The following EPHB2 variants were observed in gnomAD, a reference collection of about 807,000 sequenced individuals.
The protein encoded by EPHB2 is ephrin type-B receptor 2.
In EPHB2, 18 loss-of-function variants were observed where a neutral mutation model predicts 96.4. The ratio of observed to expected loss-of-function variants is 0.19; its 90% CI spans 0.13 to 0.28. The LOEUF (loss-of-function observed/expected upper bound fraction) is 0.28, where lower values mean the gene tolerates loss of function less well. Ranked by LOEUF, EPHB2 falls within the 10% of genes least tolerant of loss-of-function variation. The pLI, the probability that EPHB2 is intolerant of heterozygous loss-of-function variation, is 1.00. For synonymous variants in EPHB2, 506 were observed against 534.1 expected, an observed-to-expected ratio of 0.95 and a Z score of 0.72; for missense variants, 989 against 1,355.4, an observed-to-expected ratio of 0.73 and a Z score of 4.25.
intron 4 of EPHB2, 82 bp from the exon 5 acceptor site, chr1:22,864,795 C>A: frequency 1.1e-6 from 1 of 886,892 alleles, no homozygotes; most frequent in Non-Finnish European, 1.8e-6. Context: ...GGGGCTGAGC[C>A]AGAGCAGCGG....
intron 3 of EPHB2, among the ~76,000 whole-genome samples, chr1:22,786,103 G>A (rs1029472001): frequency 2.0e-5 from 3 of 152,238 alleles, no homozygotes; most frequent in African/African-American, 7.2e-5. Flanking sequence ...ACACCCTGGT[G>A]CTAAGAAGGC....
chr1:22,892,690 C>A, intron 6 of EPHB2, 194 bp from the exon 7 acceptor site: 1 of 769,052 alleles, frequency 1.3e-6, no homozygotes. Context: ...TATACTCTGC[C>A]TACCTTTGTG....
intron 1 of EPHB2, among the ~76,000 whole-genome samples, chr1:22,757,908 C>CTTTTTTTTT (rs1224799943): frequency 7.4e-5 from 4 of 54,154 alleles, no homozygotes; most frequent in African/African-American, 2.9e-4. Flanking sequence ...GTAAGCTATG[C>CTTTTTTTTT]TTTTTTTTTT....
intron 1 of EPHB2, among the ~76,000 whole-genome samples, chr1:22,714,652 G>A (rs1226293050): frequency 6.6e-6 from 1 of 152,152 alleles, no homozygotes; most frequent in Non-Finnish European, 1.5e-5. Flanking sequence ...AGCTATCAAG[G>A]GACCTGGCCA....
chr1:22,833,857 G>C (rs1645342531), intron 3 of EPHB2, among the ~76,000 whole-genome samples: 1 of 152,132 alleles, frequency 6.6e-6, no homozygotes, highest in Non-Finnish European at 1.5e-5. Flanking sequence ...AAGCCTAAGA[G>C]ATAATGAGGC....
intron 1 of EPHB2, among the ~76,000 whole-genome samples, chr1:22,738,418 C>T (rs1254842153): frequency 2.0e-5 from 3 of 152,202 alleles, no homozygotes; most frequent in African/African-American, 7.2e-5. Context: ...CTATGCCAAG[C>T]TCTGCTGGTA....
At chr1:22,723,490 C>A (rs1374659589) in intron 1 of EPHB2, among the ~76,000 whole-genome samples, 2 of 152,226 alleles carry the variant, frequency 1.3e-5, no homozygotes, top group Admixed American at 1.3e-4. Context: ...ACTGGGTGCC[C>A]CTGGCTGGCC....
At chr1:22,907,930 T>G in intron 11 of EPHB2, 23 bp from the exon 12 acceptor site, 1 of 1,613,582 alleles carries the variant, frequency 6.2e-7, no homozygotes, top group Non-Finnish European at 8.5e-7. Context: ...GTTTACTCTG[T>G]GTTTTCCCCA....
At chr1:22,812,537 G>C (rs2119318) in intron 3 of EPHB2, among the ~76,000 whole-genome samples, 5,522 of 152,266 alleles carry the variant, frequency 0.036, 314 homozygotes, top group African/African-American at 0.12. Flanking sequence ...GGGGGCGGGG[G>C]CTGTGGAGAG....
chr1:22,869,766 C>T (rs1409815411), intron 5 of EPHB2, among the ~76,000 whole-genome samples: 1 of 152,230 alleles, frequency 6.6e-6, no homozygotes, highest in Non-Finnish European at 1.5e-5. Context: ...ATTTCACTGA[C>T]CTTCCTGACT....
chr1:22,730,666 A>G (rs1643688430), intron 1 of EPHB2, among the ~76,000 whole-genome samples: 1 of 151,908 alleles, frequency 6.6e-6, no homozygotes, highest in Admixed American at 6.6e-5. Context: ...TCAGGCAGTG[A>G]GGAGAGCTGG....
At chr1:22,716,258 G>A (rs1223350283) in intron 1 of EPHB2, among the ~76,000 whole-genome samples, 1 of 152,170 alleles carries the variant, frequency 6.6e-6, no homozygotes, top group African/African-American at 2.4e-5. Context: ...AACATTGGAT[G>A]GGCCCCCTCC....
chr1:22,891,153 A>C, intron 6 of EPHB2: 2 of 456,056 alleles, frequency 4.4e-6, no homozygotes, highest in Non-Finnish European at 8.8e-6. Context: ...AAGTTAAGGA[A>C]CTTGCCCAAG....
At chr1:22,725,804 C>T (rs1355433463) in intron 1 of EPHB2, among the ~76,000 whole-genome samples, 1 of 152,172 alleles carries the variant, frequency 6.6e-6, no homozygotes, top group Non-Finnish European at 1.5e-5. Context: ...TGTCAGCTGC[C>T]CCGAGCTTCT....
At chr1:22,896,879 T>C (rs185658608) in intron 9 of EPHB2, among the ~76,000 whole-genome samples, 52 of 152,330 alleles carry the variant, frequency 3.4e-4, no homozygotes, top group African/African-American at 9.4e-4. Flanking sequence ...ATATTTACCG[T>C]GTCTCCCCAG....
chr1:22,774,073 A>G (rs1644414932), intron 1 of EPHB2, among the ~76,000 whole-genome samples: 1 of 151,924 alleles, frequency 6.6e-6, no homozygotes, highest in Non-Finnish European at 1.5e-5. Flanking sequence ...CCGATGTCTT[A>G]CACTTCTGTG....
intron 3 of EPHB2, among the ~76,000 whole-genome samples, chr1:22,804,182 T>A (rs1644891049): frequency 6.6e-6 from 1 of 152,186 alleles, no homozygotes; most frequent in African/African-American, 2.4e-5. Context: ...CATCCCAGGC[T>A]GCCGCGGCCA....
At position 22,913,939 on chromosome 1, in the gene EPHB2, T is replaced by G. The variant is rs1640197737; in HGVS notation, c.*369T>G. The stretch of plus-strand genomic sequence containing the variant: ...AAAGCAGTTTCTCTCCAACTCCCTC[T>G]GGGAAGGTGACCTGGCCAGAGCCAA... On this transcript the variant is annotated 3_prime_UTR_variant, in exon 16 of 16. Transcript: ENST00000374630. This position sits in a 1 kb window ranked among gnomAD's most constrained non-coding sequence, Gnocchi z 4.1. The G allele has an allele frequency of 4.1e-6, 6 of 1,481,016 alleles. No homozygotes were observed. In the East Asian group the frequency reaches 1.4e-4, roughly 35 times the overall value. The allele number at this position is 1,481,016 out of a possible 1,614,324, so 91.7% of individuals were successfully genotyped here. A position where few individuals can be genotyped will look rare whatever the true frequency, so the allele number is the denominator to read the frequency against.
chr1:22,739,749 A>C (rs1428625618), intron 1 of EPHB2, among the ~76,000 whole-genome samples: 2 of 152,054 alleles, frequency 1.3e-5, no homozygotes, highest in Non-Finnish European at 2.9e-5. Context: ...GGGTGAGGAG[A>C]AGCTGGTCTG....
Sources: gnomAD v4.1 joint callset for allele counts (sites outside exome capture counted in the v4.1 genomes callset) on GRCh38, gnomAD v4.1.1 for gene constraint, Gnocchi (gnomAD v3.1) non-coding constraint, MANE v1.5 for transcripts, NCBI Gene and HGNC (gene_info 2026-07-23, HGNC 2026-07-21) for gene names.